The following SMAP2 variants were observed in gnomAD, a reference collection of about 807,000 sequenced individuals.
SMAP2 encodes small ArfGAP2, also known as stromal membrane-associated protein 2.
SMAP2 carries 25 observed loss-of-function variants against 56.4 expected under a neutral mutation model. That is an observed-to-expected ratio of 0.44 (90% CI 0.32 to 0.62). SMAP2 has a LOEUF of 0.62. SMAP2 is among the 20% of genes least tolerant of loss of function. The pLI is 0.04. For missense variants in SMAP2, 388 were observed against 545.6 expected (o/e 0.71, Z 2.88); for synonymous variants, 157 against 181.7 (o/e 0.86, Z 1.09).
At chr1:40,407,133 T>A (rs912920995) in intron 2 of SMAP2, among the ~76,000 whole-genome samples, 3 of 152,130 alleles carry the variant, frequency 2.0e-5, no homozygotes, top group Admixed American at 6.6e-5. Flanking sequence ...TTAAGAGGGA[T>A]CTTTGGGTGA....
At chr1:40,397,006 A>C (rs1644778596) in intron 1 of SMAP2, 1 of 236,360 alleles carries the variant, frequency 4.2e-6, no homozygotes, top group Admixed American at 6.5e-5. Flanking sequence ...ATCTCTTATA[A>C]AATCTGAGTT....
chr1:40,384,831 A>T (rs1644638000), intron 1 of SMAP2, among the ~76,000 whole-genome samples: 2 of 152,228 alleles, frequency 1.3e-5, no homozygotes, highest in Admixed American at 1.3e-4. Flanking sequence ...TGCTTCCCAG[A>T]GTACCAGTTC....
chr1:40,372,130 A>C (rs1644499960), upstream of SMAP2, among the ~76,000 whole-genome samples: 1 of 152,226 alleles, frequency 6.6e-6, no homozygotes, highest in African/African-American at 2.4e-5. Context: ...TTGGCATTTA[A>C]AAGCTCCCTC....
At chr1:40,377,467 T>C (rs1218486846) in intron 1 of SMAP2, among the ~76,000 whole-genome samples, 1 of 152,170 alleles carries the variant, frequency 6.6e-6, no homozygotes, top group African/African-American at 2.4e-5. Context: ...GGAAACTGCT[T>C]TGGGGCTGCC....
chr1:40,397,380 T>C (rs1177941771), intron 1 of SMAP2, among the ~76,000 whole-genome samples: 1 of 152,186 alleles, frequency 6.6e-6, no homozygotes, highest in Non-Finnish European at 1.5e-5. Context: ...ATATGCTGCA[T>C]TGGTTTTTAC....
chr1:40,382,273 C>T (rs1569852382), intron 1 of SMAP2, among the ~76,000 whole-genome samples: 2 of 152,112 alleles, frequency 1.3e-5, no homozygotes, highest in Admixed American at 6.5e-5. Context: ...GTCATGCAAT[C>T]GGTGACTGCG....
At chr1:40,396,569 G>A (rs899040907) in intron 1 of SMAP2, among the ~76,000 whole-genome samples, 1 of 152,086 alleles carries the variant, frequency 6.6e-6, no homozygotes, top group African/African-American at 2.4e-5. Flanking sequence ...TTTGACAAAC[G>A]GAAACAACAT....
In SMAP2 at chr1:40,373,841, T is replaced by C; in HGVS notation, c.-280T>C. ...CGTCCGGCACCCAGGAGGCTCGTGGTCCGCCTTTGCCTGGGCTGAGGGTCT... is the reference window on the plus strand; with the variant it reads ...CGTCCGGCACCCAGGAGGCTCGTGGCCCGCCTTTGCCTGGGCTGAGGGTCT... On this transcript the variant is annotated 5_prime_UTR_variant, in exon 1 of 10. Transcript: ENST00000372718. 5 of 294,806 alleles carry C rather than the reference T, an allele frequency of 1.7e-5. No individual in the cohort carries two copies. Among genetic ancestry groups the C allele is most frequent in the Non-Finnish European group, 3.2e-5 (5 of 156,532 alleles). The allele number at this position is 294,806 out of a possible 1,614,324, so 18.3% of individuals were successfully genotyped here. A position where few individuals can be genotyped will look rare whatever the true frequency, so the allele number is the denominator to read the frequency against.
chr1:40,407,173 T>G (rs1644893209), intron 2 of SMAP2, among the ~76,000 whole-genome samples: 1 of 152,210 alleles, frequency 6.6e-6, no homozygotes, highest in Non-Finnish European at 1.5e-5. Flanking sequence ...TTTGCAGGTC[T>G]AAAATTTATA....
intron 1 of SMAP2, among the ~76,000 whole-genome samples, chr1:40,406,200 C>A (rs1207109817): frequency 6.6e-6 from 1 of 152,058 alleles, no homozygotes; most frequent in Non-Finnish European, 1.5e-5. Context: ...AGGTGCTCGG[C>A]CAAATAGAAT....
At chr1:40,377,632 A>T (rs1275748269) in intron 1 of SMAP2, among the ~76,000 whole-genome samples, 1 of 152,282 alleles carries the variant, frequency 6.6e-6, no homozygotes, top group Non-Finnish European at 1.5e-5. Context: ...CAGATATGTC[A>T]ATGGTAACTC....
intron 4 of SMAP2, among the ~76,000 whole-genome samples, chr1:40,411,449 C>A (rs1254462598): frequency 6.6e-6 from 1 of 152,170 alleles, no homozygotes; most frequent in East Asian, 1.9e-4. Context: ...GCTATTTGTA[C>A]ACAGCTATTG....
intron 1 of SMAP2, among the ~76,000 whole-genome samples, chr1:40,404,627 A>T (rs1644868221): frequency 6.6e-6 from 1 of 152,360 alleles, no homozygotes; most frequent in Admixed American, 6.5e-5. Context: ...TAGCAAACAA[A>T]TACATCTTAA....
intron 1 of SMAP2, among the ~76,000 whole-genome samples, chr1:40,352,855 A>G (rs1283903844): frequency 6.6e-6 from 1 of 152,154 alleles, no homozygotes; most frequent in Non-Finnish European, 1.5e-5. Context: ...ATGGGAAAGG[A>G]TTATTTTAGC....
Position 40,355,533 on chromosome 1 carries a change from G to A in SMAP2, c.-82-6767G>A, listed in dbSNP as rs575175555. On this transcript the variant is annotated intron_variant, in intron 1 of 6. Transcript: ENST00000435168. Reference sequence around the variant, plus strand: ...AGGGTGTCTCAAGCATTTATTCTTCGTGTTACAAACAATTCAATTATACTC... The same window carrying A: ...AGGGTGTCTCAAGCATTTATTCTTCATGTTACAAACAATTCAATTATACTC... Among the ~76,000 whole-genome samples the A allele has an allele frequency of 1.1e-4, 17 of 152,108 alleles. No individual in the cohort carries two copies. The South Asian group carries it at 2.1e-3, about 19-fold the overall frequency.
At chr1:40,348,647 A>T (rs888571609) in intron 1 of SMAP2, among the ~76,000 whole-genome samples, 38 of 152,062 alleles carry the variant, frequency 2.5e-4, no homozygotes, top group Admixed American at 1.8e-3. Context: ...GCTTCACTCA[A>T]GCCTGGGTGA....
rs1204893995 is a variant in SMAP2, at chr1:40,422,163, C to T, written c.*62C>T. 6.3e-7 allele frequency: 1 copy of T among 1,593,672 alleles called. No individual in the cohort carries two copies. The highest frequency in any genetic ancestry group is 8.5e-7 in the Non-Finnish European group (1 of 1,170,052). On this transcript the variant is annotated 3_prime_UTR_variant, in exon 10 of 10. Transcript: ENST00000372718. ...CCTCGCTCTCCCCTTTCCACAGCCT[C>T]CACCCCTGACCCCCATCCTCTTTTC...
At chr1:40,379,551 C>A (rs1182255459) in intron 1 of SMAP2, among the ~76,000 whole-genome samples, 1 of 136,160 alleles carries the variant, frequency 7.3e-6, no homozygotes, top group African/African-American at 2.7e-5. Context: ...ACACTGTTGT[C>A]TCTCTTTTTT....
intron 1 of SMAP2, among the ~76,000 whole-genome samples, chr1:40,356,699 C>T (rs1002572208): frequency 3.3e-5 from 5 of 152,092 alleles, no homozygotes; most frequent in East Asian, 1.9e-4. Flanking sequence ...CGTGAGCCAC[C>T]GTGCTGGACC....
Sources: allele counts gnomAD v4.1 joint callset (sites outside exome capture counted in the v4.1 genomes callset), GRCh38; gene constraint gnomAD v4.1.1; transcripts MANE v1.5; gene names NCBI Gene and HGNC (gene_info 2026-07-23, HGNC 2026-07-21).